The following PDLIM5 variants were observed in gnomAD, a reference collection of about 807,000 sequenced individuals.
PDLIM5 encodes the protein PDZ and LIM domain protein 5.
PDLIM5 carries 34 observed loss-of-function variants against 64.2 expected under a neutral mutation model. The observed-to-expected ratio is 0.53, with a 90% confidence interval of 0.40 to 0.71. The LOEUF is 0.71. Ranked by LOEUF, PDLIM5 falls within the 30% of genes least tolerant of loss-of-function variation. PDLIM5 has a pLI of 0.00. For synonymous variants in PDLIM5, 253 were observed against 269.1 expected, an observed-to-expected ratio of 0.94 and a Z score of 0.59; for missense variants, 683 against 733.6, an observed-to-expected ratio of 0.93 and a Z score of 0.80.
chr4:94,494,019 G>C (rs1027723517), intron 2 of PDLIM5, among the ~76,000 whole-genome samples: 1 of 152,104 alleles, frequency 6.6e-6, no homozygotes, highest in Non-Finnish European at 1.5e-5. Context: ...GAGTGCAGTG[G>C]TGTAATTGTA....
chr4:94,611,034 T>C (rs1444204287), intron 7 of PDLIM5: 1 of 1,502,288 alleles, frequency 6.7e-7, no homozygotes, highest in Non-Finnish European at 8.9e-7. Context: ...GGTAGTGTGA[T>C]TTTTGACTTA....
At chr4:94,472,183 C>T (rs933036435) in intron 2 of PDLIM5, among the ~76,000 whole-genome samples, 4 of 152,064 alleles carry the variant, frequency 2.6e-5, no homozygotes, top group Non-Finnish European at 2.9e-5. Flanking sequence ...CACACGCACA[C>T]GCACCCTGTA....
chr4:94,654,831 G>A (rs1215831972), intron 10 of PDLIM5, among the ~76,000 whole-genome samples, 191 bp downstream of exon 10: 3 of 152,124 alleles, frequency 2.0e-5, no homozygotes, highest in Non-Finnish European at 4.4e-5. Flanking sequence ...ATGGGGTTAG[G>A]TTGTCTTTGG....
At chr4:94,568,185 T>C (rs1424171396) in intron 3 of PDLIM5, among the ~76,000 whole-genome samples, 8 of 152,360 alleles carry the variant, frequency 5.3e-5, no homozygotes, top group Admixed American at 3.3e-4. Flanking sequence ...AAATGATGGC[T>C]TACAGGCCAA....
At chr4:94,635,495 C>A (rs1312083313) in intron 8 of PDLIM5, among the ~76,000 whole-genome samples, 1 of 152,100 alleles carries the variant, frequency 6.6e-6, no homozygotes, top group Non-Finnish European at 1.5e-5. Flanking sequence ...AGTAGATTGT[C>A]ATCCTTAAGC....
intron 11 of PDLIM5, among the ~76,000 whole-genome samples, chr4:94,660,284 T>TA (rs1742578950): frequency 6.6e-6 from 1 of 152,176 alleles, no homozygotes; most frequent in African/African-American, 2.4e-5. Flanking sequence ...AAGCAGCCCT[T>TA]TGGCATTTTT....
At chr4:94,663,594 A>G (rs1334541382) in intron 12 of PDLIM5, among the ~76,000 whole-genome samples, 1 of 152,182 alleles carries the variant, frequency 6.6e-6, no homozygotes, top group Non-Finnish European at 1.5e-5. Flanking sequence ...AAGGTTTGGT[A>G]AAGCAAATGA....
intron 2 of PDLIM5, among the ~76,000 whole-genome samples, chr4:94,514,133 CTTTTTTT>C (rs34757067): frequency 8.7e-6 from 1 of 115,140 alleles, no homozygotes. Context: ...CTAGTATTTT[CTTTTTTT>C]TTTTTTTTTT....
At chr4:94,535,201 A>G (rs1731213721) in intron 3 of PDLIM5, among the ~76,000 whole-genome samples, 1 of 152,132 alleles carries the variant, frequency 6.6e-6, no homozygotes, top group South Asian at 2.1e-4. Flanking sequence ...AGAAGTGAGA[A>G]CTGAGCAGTA....
At chr4:94,537,520 T>C (rs1009135887) in intron 3 of PDLIM5, among the ~76,000 whole-genome samples, 2 of 152,110 alleles carry the variant, frequency 1.3e-5, no homozygotes, top group African/African-American at 2.4e-5. Flanking sequence ...TCCAAGAACT[T>C]TAGATAATAG....
At chr4:94,563,794 A>G (rs1734040567) in intron 3 of PDLIM5, among the ~76,000 whole-genome samples, 1 of 152,100 alleles carries the variant, frequency 6.6e-6, no homozygotes, top group African/African-American at 2.4e-5. Flanking sequence ...GTTCATCACA[A>G]TATATTTAAG....
chr4:94,456,760 A>G (rs771285150), intron 2 of PDLIM5: 69 of 1,229,580 alleles, frequency 5.6e-5, no homozygotes, highest in Non-Finnish European at 6.6e-5. Context: ...GGTTGTGCCA[A>G]TTTACACTTT....
intron 2 of PDLIM5, among the ~76,000 whole-genome samples, chr4:94,457,976 A>G (rs1723528433): frequency 1.3e-5 from 2 of 152,050 alleles, no homozygotes; most frequent in South Asian, 2.1e-4. Flanking sequence ...TCTGGACTGG[A>G]GAGGATTGGA....
intron 2 of PDLIM5, among the ~76,000 whole-genome samples, chr4:94,509,467 A>G (rs1370433494): frequency 1.3e-5 from 2 of 152,192 alleles, no homozygotes; most frequent in Non-Finnish European, 2.9e-5. Context: ...GTTCATTGCC[A>G]TATGATGCCA....
At chr4:94,514,133 C>CTTTTTTTTTT (rs34757067) in intron 2 of PDLIM5, among the ~76,000 whole-genome samples, 1 of 115,138 alleles carries the variant, frequency 8.7e-6, no homozygotes, top group Non-Finnish European at 1.7e-5. Context: ...CTAGTATTTT[C>CTTTTTTTTTT]TTTTTTTTTT....
Position 94,455,362 on chromosome 4 carries a change from AC to A in PDLIM5, c.75del (p.Asn25LysfsTer4), listed in dbSNP as rs1723239217. 1 of 1,611,004 alleles carries A rather than the reference AC, an allele frequency of 6.2e-7. No individual in the cohort carries two copies. The highest frequency in any genetic ancestry group is 8.5e-7 in the Non-Finnish European group (1 of 1,177,250). ...CGGCTGCAGGGCGGTAAGGATTTCA[AC>A]ATGCCTCTGACAATCTCTAGTGTAA... ...GFRLQGGKDFNMPLTISSLKD... is the reference protein window; with the variant it reads ...GFRLQGGKDFXMPLTISSLKD... On this transcript the variant is annotated frameshift_variant, in exon 2 of 13. Transcript: ENST00000317968. LOFTEE classifies it high-confidence loss of function.
At chr4:94,548,992 A>G (rs1280562596) in intron 3 of PDLIM5, among the ~76,000 whole-genome samples, 1 of 97,498 alleles carries the variant, frequency 1.0e-5, no homozygotes, top group African/African-American at 4.1e-5. Context: ...AAGAAAAAAA[A>G]AAGGCCTTAT....
At chr4:94,660,673 A>G (rs1742623599) in intron 11 of PDLIM5, among the ~76,000 whole-genome samples, 1 of 152,208 alleles carries the variant, frequency 6.6e-6, no homozygotes, top group South Asian at 2.1e-4. Context: ...CCTGGCACAC[A>G]GTAGACTGCA....
rs767103045 is a variant in PDLIM5, at chr4:94,640,423, T to C, written c.1256T>C (p.Met419Thr). Residue 419 changes from methionine (M) to threonine (T), a missense_variant, in exon 9 of 13, where the codon ATG becomes ACG. Met to Thr is a moderately conservative substitution (Grantham distance 81). Coordinates refer to ENST00000317968, the MANE Select transcript of PDLIM5 (RefSeq NM_006457.5). The part of the protein sequence containing the change: ...EHIPAGKRTP[M>T]CAHCNQVIRG... ...ATTCCAGCAGGGAAACGAACTCCGA[T>C]GTGCGCCCATTGTAACCAGGTCATC... 10 of 1,606,276 alleles carry C rather than the reference T, an allele frequency of 6.2e-6. No homozygotes were observed. Among genetic ancestry groups the C allele is most frequent in the African/African-American group, 1.3e-5 (1 of 74,386 alleles).
Sources: allele counts gnomAD v4.1 joint callset (sites outside exome capture counted in the v4.1 genomes callset), GRCh38; gene constraint gnomAD v4.1.1; transcripts MANE v1.5; gene names NCBI Gene and HGNC (gene_info 2026-07-23, HGNC 2026-07-21).